CLEC16A: variants seen among roughly 807,000 people sequenced by gnomAD.
The protein encoded by CLEC16A is C-type lectin domain containing 16A.
Under a neutral mutation model 109.5 loss-of-function variants are expected in CLEC16A, and 51 were observed. That is an observed-to-expected ratio of 0.47 (90% CI 0.37 to 0.59). The LOEUF (loss-of-function observed/expected upper bound fraction) is 0.59. Ranked by LOEUF, CLEC16A falls within the 20% of genes least tolerant of loss-of-function variation. The pLI, the probability that CLEC16A is intolerant of heterozygous loss-of-function variation, is 0.00. For missense variants in CLEC16A, 1,339 were observed against 1,394.0 expected (o/e 0.96, Z 0.63); for synonymous variants, 673 against 564.2 (o/e 1.19, Z -2.73).
At chr16:11,125,224 A>G (rs1382014248) in intron 21 of CLEC16A, among the ~76,000 whole-genome samples, 2 of 151,946 alleles carry the variant, frequency 1.3e-5, no homozygotes, top group African/African-American at 2.4e-5. Flanking sequence ...CTACAAAATC[A>G]TTACTGAAGC....
intron 18 of CLEC16A, among the ~76,000 whole-genome samples, chr16:11,058,221 G>A (rs901685218): frequency 6.6e-6 from 1 of 152,210 alleles, no homozygotes; most frequent in Non-Finnish European, 1.5e-5. Context: ...TCTCTTAGGA[G>A]TTGGGGCAGG....
At chr16:11,088,470 C>G (rs2050129018) in intron 19 of CLEC16A, among the ~76,000 whole-genome samples, 1 of 152,182 alleles carries the variant, frequency 6.6e-6, no homozygotes, top group African/African-American at 2.4e-5. Flanking sequence ...GGGATGGGCC[C>G]AGAAAGACCT....
chr16:10,979,381 A>G lies in CLEC16A; in HGVS notation c.956A>G (p.Gln319Arg). ...SLPVSLYLLS[Q>R]VFLIIHHAPL... ...CCGGTGTCTCTTTATCTTCTGTCAC[A>G]GGTATGCTTGATCATTCACCAATGT... Residue 319 changes from glutamine to arginine, a missense_variant and splice_region_variant, in exon 9 of 24, where the codon CAG becomes CGG. Physicochemically the swap from Gln to Arg is conservative, Grantham distance 43. This residue lies in a region of CLEC16A where 1,061 missense variants were observed against 1,006.8 expected (regional missense o/e 1.05). Transcript: ENST00000409790. 6.2e-7 allele frequency: 1 copy of G among 1,612,752 alleles called. No individual in the cohort carries two copies. The highest frequency in any genetic ancestry group is 8.5e-7 in the Non-Finnish European group (1 of 1,179,460).
At chr16:11,122,440 AAT>A (rs1340175667) in intron 20 of CLEC16A, among the ~76,000 whole-genome samples, 8 of 152,234 alleles carry the variant, frequency 5.3e-5, no homozygotes, top group African/African-American at 1.7e-4. Context: ...CTGAAGAATT[AAT>A]ATGTGTCTTC....
chr16:11,076,952 G>A (rs755578720), intron 19 of CLEC16A, among the ~76,000 whole-genome samples: 46 of 152,202 alleles, frequency 3.0e-4, no homozygotes, highest in Non-Finnish European at 5.6e-4. Context: ...AGGCAGAAAC[G>A]CTGAAAAGTA....
chr16:11,180,800 G>A lies in CLEC16A; in HGVS notation c.*2110G>A, dbSNP rs1015805847. On this transcript the variant is annotated 3_prime_UTR_variant, in exon 24 of 24. Transcript: ENST00000409790. ...CACCAGCCTGCTGTCAGAAGTCTCT[G>A]GGCTCCAACTGGTCTTGTAACCACT... 6.6e-6 allele frequency: 1 copy of A among 152,514 alleles called. No individual in the cohort carries two copies. Among genetic ancestry groups the A allele is most frequent in the Non-Finnish European group, 1.5e-5 (1 of 68,222 alleles). 9.4% of individuals were successfully genotyped at this position (152,514 alleles called of 1,614,324 possible). A position where few individuals can be genotyped will look rare whatever the true frequency, so the allele number is the denominator to read the frequency against.
intron 19 of CLEC16A, among the ~76,000 whole-genome samples, chr16:11,108,224 G>A (rs779910835): frequency 7.2e-5 from 11 of 152,258 alleles, no homozygotes; most frequent in African/African-American, 1.7e-4. Context: ...CCCAAGGGGC[G>A]GACACCCAGC....
intron 13 of CLEC16A, among the ~76,000 whole-genome samples, chr16:11,030,842 G>A (rs71381186): frequency 0.16 from 24,475 of 151,998 alleles, 2,411 homozygotes; most frequent in South Asian, 0.23. Flanking sequence ...ACAGGGTTTC[G>A]CCCTGTTGGC....
chr16:10,960,977 T>G (rs2042224568), intron 2 of CLEC16A, among the ~76,000 whole-genome samples: 1 of 152,206 alleles, frequency 6.6e-6, no homozygotes. Context: ...ATCACCCTTT[T>G]TTCCCAATGA....
Position 11,133,983 on chromosome 16 carries a change from AAG to A in CLEC16A, c.2641+7838_2641+7839del, listed in dbSNP as rs1597506194. On this transcript the variant is annotated intron_variant, in intron 22 of 23. Transcript: ENST00000409790. ...ATAAAGCAAAATTTATTGAGCTGCT[AAG>A]CACTTTATGCATTATTCTTGTTCGA... Among the ~76,000 whole-genome samples, 8 of 152,184 alleles carry A rather than the reference AAG, an allele frequency of 5.3e-5. No homozygotes were observed. In the East Asian group the frequency reaches 1.5e-3, roughly 29 times the overall value.
intron 19 of CLEC16A, among the ~76,000 whole-genome samples, chr16:11,076,021 A>G (rs1455709434): frequency 6.6e-6 from 1 of 152,148 alleles, no homozygotes. Context: ...TAAGCATCAC[A>G]TAGATAGAGA....
In CLEC16A at chr16:11,120,600, C is replaced by T; in HGVS notation, c.2117-15C>T. 2 of 1,601,864 alleles carry T rather than the reference C, an allele frequency of 1.2e-6. No homozygotes were observed. Among genetic ancestry groups the T allele is most frequent in the Non-Finnish European group, 1.7e-6 (2 of 1,172,676 alleles). ...CAGACTGTGCCTCATTCTCTTCTCA[C>T]CTTCCTCCTCCCAGATAACAGCGAC... On this transcript the variant is annotated splice_polypyrimidine_tract_variant and intron_variant, in intron 19 of 23. Coordinates refer to ENST00000409790, the MANE Select transcript of CLEC16A (RefSeq NM_015226.3).
chr16:11,029,649 T>G (rs2046625289), intron 13 of CLEC16A, among the ~76,000 whole-genome samples: 1 of 152,232 alleles, frequency 6.6e-6, no homozygotes, highest in Non-Finnish European at 1.5e-5. Flanking sequence ...TTTGTATATA[T>G]TGTCTTGCTT....
chr16:10,969,359 T>C, intron 4 of CLEC16A, 50 bp downstream of exon 4: 1 of 386,778 alleles, frequency 2.6e-6, no homozygotes, highest in African/African-American at 2.8e-5. Context: ...ACACGTGGCT[T>C]TTTTTTTTTT....
intron 10 of CLEC16A, among the ~76,000 whole-genome samples, chr16:11,000,681 T>C (rs1444135779): frequency 6.6e-6 from 1 of 152,248 alleles, no homozygotes; most frequent in Non-Finnish European, 1.5e-5. Flanking sequence ...CTGGGTTTCC[T>C]GGACAGTAGA....
At chr16:11,096,169 C>A (rs544944431) in intron 19 of CLEC16A, among the ~76,000 whole-genome samples, 27 of 125,648 alleles carry the variant, frequency 2.1e-4, no homozygotes, top group African/African-American at 7.9e-4. Flanking sequence ...ATAGCAAGAC[C>A]CCATCTCTAA....
chr16:10,952,455 C>A (rs1207135856), intron 1 of CLEC16A, among the ~76,000 whole-genome samples: 1 of 152,240 alleles, frequency 6.6e-6, no homozygotes, highest in Non-Finnish European at 1.5e-5. Flanking sequence ...GATCACGCCA[C>A]TGCACTCCAG....
At chr16:11,007,781 AGTAT>A (rs1401445584) in intron 11 of CLEC16A, among the ~76,000 whole-genome samples, 2 of 151,838 alleles carry the variant, frequency 1.3e-5, no homozygotes, top group African/African-American at 2.4e-5. Context: ...TGTGCAGGTG[AGTAT>A]GTGTGTGAGA....
chr16:11,171,842 A>G lies in CLEC16A; in HGVS notation c.2806+5290A>G, dbSNP rs564744662. ...CATACAAATGTGCATGCATAGTCAC[A>G]CTCCCACACAGTCACACACATGCCA... On this transcript the variant is annotated intron_variant, in intron 23 of 23. Coordinates refer to ENST00000409790, the MANE Select transcript of CLEC16A (RefSeq NM_015226.3). 7.5e-4 allele frequency among the ~76,000 whole-genome samples: 114 copies of G among 152,198 alleles called. 1 individual carries two copies. Among genetic ancestry groups the G allele is most frequent in the African/African-American group, 2.6e-3 (107 of 41,502 alleles).
Sources: gnomAD v4.1 joint callset for allele counts (sites outside exome capture counted in the v4.1 genomes callset) on GRCh38, gnomAD v4.1.1 for gene constraint, gnomAD v4.1.1 regional missense constraint, MANE v1.5 for transcripts, NCBI Gene and HGNC (gene_info 2026-07-23, HGNC 2026-07-21) for gene names.